ACTA2: variants seen among roughly 807,000 people sequenced by gnomAD.
ACTA2 encodes the protein actin alpha 2, smooth muscle, also known as actin, aortic smooth muscle.
Under a neutral mutation model 39.5 loss-of-function variants are expected in ACTA2, and 12 were observed. The ratio of observed to expected loss-of-function variants is 0.30; its 90% CI spans 0.19 to 0.49. The LOEUF (loss-of-function observed/expected upper bound fraction) is 0.49, where lower values mean the gene tolerates loss of function less well. Ranked by LOEUF, ACTA2 falls within the 20% of genes least tolerant of loss-of-function variation. The probability of loss-of-function intolerance (pLI) is 0.99; values close to 1 mark genes in which losing one functional copy is unlikely to be tolerated. For missense variants in ACTA2, 236 were observed against 498.8 expected (o/e 0.47, Z 5.02); for synonymous variants, 158 against 180.6 (o/e 0.88, Z 1.00).
chr10:88,941,965 G>A (rs1845863214), intron 4 of ACTA2, 96 bp from the exon 5 acceptor site: 2 of 1,170,814 alleles, frequency 1.7e-6, no homozygotes, highest in Non-Finnish European at 2.5e-6. Flanking sequence ...AGAGGGGCCT[G>A]ACCTGTTCTG....
chr10:88,963,867 C>CT (rs1028635149), intron 1 of ACTA2, among the ~76,000 whole-genome samples: 1 of 152,104 alleles, frequency 6.6e-6, no homozygotes, highest in Non-Finnish European at 1.5e-5. Flanking sequence ...TTAAACTTGT[C>CT]TTTTTTTCTG....
At chr10:88,937,948 C>T in intron 8 of ACTA2, 113 bp downstream of exon 8, 1 of 1,303,110 alleles carries the variant, frequency 7.7e-7, no homozygotes, top group Non-Finnish European at 1.1e-6. Flanking sequence ...TTACCTACCC[C>T]TAAAACCCAC....
At chr10:88,947,410 A>C in intron 2 of ACTA2, 24 bp from the exon 3 acceptor site, 1 of 1,613,492 alleles carries the variant, frequency 6.2e-7, no homozygotes, top group Non-Finnish European at 8.5e-7. Flanking sequence ...ACACATTATG[A>C]GTCAGCATCT....
At chr10:88,970,352 T>C (rs762020158) in intron 1 of ACTA2, among the ~76,000 whole-genome samples, 2 of 152,326 alleles carry the variant, frequency 1.3e-5, no homozygotes, top group Admixed American at 1.3e-4. Context: ...TCCTCTTCGC[T>C]GAGTTCCTTT....
chr10:88,969,158 G>C (rs764523973), intron 1 of ACTA2, among the ~76,000 whole-genome samples: 11 of 152,154 alleles, frequency 7.2e-5, no homozygotes, highest in Non-Finnish European at 1.6e-4. Context: ...ATTGAGGCAA[G>C]AAGTATAATC....
intron 7 of ACTA2, among the ~76,000 whole-genome samples, chr10:88,939,024 T>G (rs867226530): frequency 6.6e-6 from 1 of 152,156 alleles, no homozygotes; most frequent in Non-Finnish European, 1.5e-5. Context: ...GTTGGGAGGT[T>G]AAGTGACTTT....
chr10:88,989,810 C>A (rs1324469862), intron 1 of ACTA2, among the ~76,000 whole-genome samples: 2 of 151,976 alleles, frequency 1.3e-5, no homozygotes, highest in African/African-American at 2.4e-5. Context: ...GTGGACGATG[C>A]CAAAGGAATA....
At chr10:88,936,739 A>G (rs1286135382) in intron 8 of ACTA2, among the ~76,000 whole-genome samples, 1 of 152,128 alleles carries the variant, frequency 6.6e-6, no homozygotes, top group African/African-American at 2.4e-5. Context: ...TCTTTTCTTT[A>G]CAAATTACCC....
chr10:88,958,066 A>G (rs768578350), intron 1 of ACTA2, among the ~76,000 whole-genome samples: 6 of 152,064 alleles, frequency 3.9e-5, no homozygotes, highest in Non-Finnish European at 7.4e-5. Flanking sequence ...ACCCACTTCT[A>G]CCCAACTAAT....
intron 1 of ACTA2, among the ~76,000 whole-genome samples, chr10:88,981,801 G>A (rs1283852332): frequency 5.9e-5 from 9 of 152,098 alleles, no homozygotes; most frequent in African/African-American, 2.2e-4. Context: ...GGTTTCAGAT[G>A]GGCTTTCCAT....
intron 1 of ACTA2, among the ~76,000 whole-genome samples, chr10:88,971,020 G>T (rs946903525): frequency 6.6e-6 from 1 of 152,082 alleles, no homozygotes; most frequent in Admixed American, 6.5e-5. Flanking sequence ...ATAATACTAA[G>T]ATGTAAAGGC....
chr10:88,989,514 C>T lies in ACTA2; in HGVS notation c.-24+1425G>A, dbSNP rs930485104. 5.5e-6 allele frequency: 3 copies of T among 544,312 alleles called. No individual in the cohort carries two copies. The African/African-American group carries it at 5.7e-5, about 10-fold the overall frequency. 33.7% of individuals were successfully genotyped at this position (544,312 alleles called of 1,614,324 possible). A position where few individuals can be genotyped will look rare whatever the true frequency, so the allele number is the denominator to read the frequency against. ...AGGCTGGCACGCCCAGGGTCTTCCT[C>T]ATGGCACTAACAGTCTACTGAAAGG... On this transcript the variant is annotated intron_variant, in intron 1 of 4. Transcript: ENST00000415557.
At chr10:88,959,490 A>G (rs902175936) in intron 1 of ACTA2, among the ~76,000 whole-genome samples, 1 of 152,186 alleles carries the variant, frequency 6.6e-6, no homozygotes, top group African/African-American at 2.4e-5. Flanking sequence ...CCTTAAAAAC[A>G]CCTCCTAAAT....
chr10:88,982,505 C>T (rs772890150), intron 1 of ACTA2, among the ~76,000 whole-genome samples: 10 of 150,936 alleles, frequency 6.6e-5, no homozygotes, highest in South Asian at 6.3e-4. Flanking sequence ...ACATGTCCCA[C>T]GACAGAAATA....
intron 1 of ACTA2, among the ~76,000 whole-genome samples, chr10:88,959,480 C>T (rs7907084): frequency 0.32 from 48,223 of 152,034 alleles, 8,391 homozygotes; most frequent in Non-Finnish European, 0.39. Context: ...CTCTCTTTCC[C>T]CTTAAAAACA....
intron 1 of ACTA2, among the ~76,000 whole-genome samples, chr10:88,962,749 A>G (rs1227372982): frequency 6.6e-6 from 1 of 151,726 alleles, no homozygotes; most frequent in African/African-American, 2.4e-5. Flanking sequence ...TGCTGCTAAT[A>G]AAGACATAAC....
At chr10:88,974,419 A>C (rs1404019899) in intron 1 of ACTA2, 1 of 152,232 alleles carries the variant, frequency 6.6e-6, no homozygotes, top group Admixed American at 6.5e-5. Context: ...CAATTAGTTG[A>C]AAAATATGAA....
chr10:88,955,603 T>C (rs1846125261), upstream of ACTA2, among the ~76,000 whole-genome samples: 1 of 152,226 alleles, frequency 6.6e-6, no homozygotes. Context: ...ATTAATATTC[T>C]TTATGGGAAA....
At chr10:88,955,875 T>C (rs1439033374), upstream of ACTA2, among the ~76,000 whole-genome samples, 1 of 152,154 alleles carries the variant, frequency 6.6e-6, no homozygotes, top group Non-Finnish European at 1.5e-5. Flanking sequence ...AAAGCTATCA[T>C]TTACTACCAC....
Sources: allele counts gnomAD v4.1 joint callset (sites outside exome capture counted in the v4.1 genomes callset), GRCh38; gene constraint gnomAD v4.1.1; transcripts MANE v1.5; gene names NCBI Gene and HGNC (gene_info 2026-07-23, HGNC 2026-07-21).